PDE10A: variants seen among roughly 807,000 people sequenced by gnomAD.
The protein encoded by PDE10A is phosphodiesterase 10A, also known as cAMP and cAMP-inhibited cGMP 3',5'-cyclic phosphodiesterase 10A.
Under a neutral mutation model 97.7 loss-of-function variants are expected in PDE10A, and 39 were observed. That is an observed-to-expected ratio of 0.40 (90% CI 0.31 to 0.52). The LOEUF (loss-of-function observed/expected upper bound fraction) is 0.52, where lower values mean the gene tolerates loss of function less well. Among genes scored for constraint, PDE10A ranks in the 20% least tolerant of loss-of-function variants. The pLI, the probability that PDE10A is intolerant of heterozygous loss-of-function variation, is 0.56. For synonymous variants in PDE10A, 371 were observed against 376.8 expected (o/e 0.98, Z 0.18); for missense variants, 731 against 1,047.8 (o/e 0.70, Z 4.17).
chr6:165,658,757 G>C (rs1790089576), intron 1 of PDE10A, among the ~76,000 whole-genome samples: 1 of 152,190 alleles, frequency 6.6e-6, no homozygotes, highest in Admixed American at 6.5e-5. Context: ...TGGCAACTTT[G>C]CTCACAAGAA....
chr6:165,851,136 T>G (rs1266291693), intron 1 of PDE10A, among the ~76,000 whole-genome samples: 1 of 152,210 alleles, frequency 6.6e-6, no homozygotes, highest in Admixed American at 6.5e-5. Context: ...CTAATATAGA[T>G]AATTATCATG....
At chr6:165,789,487 T>C (rs923500055) in intron 1 of PDE10A, among the ~76,000 whole-genome samples, 1 of 152,184 alleles carries the variant, frequency 6.6e-6, no homozygotes, top group Non-Finnish European at 1.5e-5. Context: ...GAATGTACAA[T>C]GAAAAAGTTT....
At chr6:165,409,101 C>G (rs1198984289) in intron 13 of PDE10A, among the ~76,000 whole-genome samples, 9 of 141,946 alleles carry the variant, frequency 6.3e-5, no homozygotes, top group Non-Finnish European at 3.0e-5. Flanking sequence ...GGAGGAGGAG[C>G]TTGCAACAAG....
intron 1 of PDE10A, among the ~76,000 whole-genome samples, chr6:165,944,499 G>A (rs1783695167): frequency 1.3e-5 from 2 of 152,184 alleles, no homozygotes. Flanking sequence ...TTTTCAACGT[G>A]ACGTCTTTAC....
At chr6:165,778,322 A>T (rs886884383) in intron 1 of PDE10A, among the ~76,000 whole-genome samples, 2 of 152,158 alleles carry the variant, frequency 1.3e-5, no homozygotes, top group Non-Finnish European at 2.9e-5. Flanking sequence ...CACCCGTCTC[A>T]GCCTCCCAAA....
At chr6:165,915,586 C>G (rs573976017) in intron 1 of PDE10A, among the ~76,000 whole-genome samples, 1 of 152,184 alleles carries the variant, frequency 6.6e-6, no homozygotes, top group Non-Finnish European at 1.5e-5. Flanking sequence ...CTCTTCATTA[C>G]TGTCTTCCTT....
intron 1 of PDE10A, among the ~76,000 whole-genome samples, chr6:165,730,188 A>C (rs746738119): frequency 2.0e-5 from 3 of 151,538 alleles, no homozygotes; most frequent in Non-Finnish European, 4.4e-5. Flanking sequence ...CTGAAAACAG[A>C]GGACTGGGTA....
At chr6:165,942,407 C>G (rs1036413442) in intron 1 of PDE10A, among the ~76,000 whole-genome samples, 15 of 152,066 alleles carry the variant, frequency 9.9e-5, no homozygotes, top group Non-Finnish European at 1.9e-4. Flanking sequence ...AAGATAGTTA[C>G]TAAGGATGTT....
chr6:165,481,325 C>T (rs1779595218), intron 3 of PDE10A, among the ~76,000 whole-genome samples: 1 of 152,096 alleles, frequency 6.6e-6, no homozygotes, highest in Non-Finnish European at 1.5e-5. Flanking sequence ...GCGAAGGCAC[C>T]CAGTGAAACC....
At chr6:165,934,445 A>ACAC (rs1455711882) in intron 1 of PDE10A, among the ~76,000 whole-genome samples, 1 of 151,922 alleles carries the variant, frequency 6.6e-6, no homozygotes, top group East Asian at 1.9e-4. Flanking sequence ...CAACTTGTCT[A>ACAC]CACCACCACC....
intron 13 of PDE10A, among the ~76,000 whole-genome samples, chr6:165,409,164 CAAAAAAAAAAAAAAA>C (rs61455081): frequency 3.7e-5 from 4 of 108,138 alleles, no homozygotes; most frequent in Non-Finnish European, 7.3e-5. Context: ...GACTCCATCT[CAAAAAAAAAAAAAAA>C]AAAGAAAAAA....
In PDE10A at chr6:165,855,305, C is replaced by CGGG. The variant is rs34074536; in HGVS notation, c.-615+132221_-615+132223dup. ...GACTCATAGGCGGCGCGGGAAGTGG[C>CGGG]GGGGGGGGGGGGGGACTCAGGGGCG... On this transcript the variant is annotated intron_variant, in intron 1 of 19. Coordinates refer to the PDE10A transcript ENST00000366882. Among the ~76,000 whole-genome samples the CGGG allele has an allele frequency of 1.2e-4, 10 of 86,504 alleles. No homozygotes were observed. The South Asian group carries it at 2.3e-3, about 20-fold the overall frequency. The allele number at this position is 86,504 out of a possible 152,430, so 56.7% of individuals were successfully genotyped here. A position where few individuals can be genotyped will look rare whatever the true frequency, so the allele number is the denominator to read the frequency against.
At chr6:165,424,876 A>G (rs1789002747) in intron 10 of PDE10A, among the ~76,000 whole-genome samples, 1 of 152,208 alleles carries the variant, frequency 6.6e-6, no homozygotes. Context: ...AATCAGATGC[A>G]AACTCACAGA....
At chr6:165,610,262 G>T (rs114348706) in intron 1 of PDE10A, among the ~76,000 whole-genome samples, 1 of 152,168 alleles carries the variant, frequency 6.6e-6, no homozygotes, top group South Asian at 2.1e-4. Flanking sequence ...ATGGGGAAAC[G>T]GCCAGGCCCG....
rs939384645 is a variant in PDE10A at position 165,383,414 on chromosome 6, T to C, written c.2611-4048A>G. Reference sequence around the variant, plus strand: ...TTTAGGCAAGAAAACAAAGCTCACCTACGTTCTTGGATGTGACTGTCCACA... The same window carrying C: ...TTTAGGCAAGAAAACAAAGCTCACCCACGTTCTTGGATGTGACTGTCCACA... On this transcript the variant is annotated intron_variant, in intron 17 of 21. Transcript: ENST00000539869. 2.0e-5 allele frequency among the ~76,000 whole-genome samples: 3 copies of C among 152,338 alleles called. No homozygotes were observed. The East Asian group carries it at 5.8e-4, about 29-fold the overall frequency.
At chr6:165,641,237 T>G (rs1276170297) in intron 1 of PDE10A, among the ~76,000 whole-genome samples, 3 of 152,178 alleles carry the variant, frequency 2.0e-5, no homozygotes, top group Non-Finnish European at 4.4e-5. Context: ...TTTTTTTAAA[T>G]CTTTTATTTA....
At chr6:165,427,836 G>C (rs762960338) in intron 10 of PDE10A, among the ~76,000 whole-genome samples, 1 of 152,024 alleles carries the variant, frequency 6.6e-6, no homozygotes, top group Non-Finnish European at 1.5e-5. Context: ...TTATTTTAAT[G>C]TACAATTATT....
At chr6:165,608,366 A>T (rs541152431) in intron 1 of PDE10A, among the ~76,000 whole-genome samples, 43 of 149,456 alleles carry the variant, frequency 2.9e-4, no homozygotes, top group African/African-American at 1.0e-3. Context: ...CGGTGTTTGG[A>T]TTTTTGTCCT....
upstream of PDE10A, among the ~76,000 whole-genome samples, chr6:165,663,741 T>C (rs529881552): frequency 5.9e-5 from 9 of 152,272 alleles, no homozygotes; most frequent in African/African-American, 2.2e-4. Context: ...TTTGCCTTGG[T>C]TGGGGTTAGA....
Sources: gnomAD v4.1 joint callset for allele counts (sites outside exome capture counted in the v4.1 genomes callset) on GRCh38, gnomAD v4.1.1 for gene constraint, MANE v1.5 for transcripts, NCBI Gene and HGNC (gene_info 2026-07-23, HGNC 2026-07-21) for gene names.